Variants in MCM9 observed in about 807,000 individuals in gnomAD.
The protein encoded by MCM9 is minichromosome maintenance 9 homologous recombination repair factor, also known as DNA helicase MCM9.
Under a neutral mutation model 72.8 loss-of-function variants are expected in MCM9, and 55 were observed. The ratio of observed to expected loss-of-function variants is 0.76; its 90% confidence interval spans 0.61 to 0.95. The LOEUF is 0.95. Ranked by LOEUF, MCM9 falls within the 40% of genes least tolerant of loss-of-function variation. The probability of loss-of-function intolerance (pLI) is 0.00; values close to 1 mark genes in which losing one functional copy is unlikely to be tolerated. For synonymous variants in MCM9, 480 were observed against 503.4 expected, an observed-to-expected ratio of 0.95 and a Z score of 0.62; for missense variants, 1,279 against 1,377.0, an observed-to-expected ratio of 0.93 and a Z score of 1.13.
intron 8 of MCM9, among the ~76,000 whole-genome samples, chr6:118,886,140 T>G (rs1349823770): frequency 6.6e-6 from 1 of 150,612 alleles, no homozygotes; most frequent in African/African-American, 2.4e-5. Context: ...CCTTTCATGA[T>G]AAAAACATTC....
rs562743673 is a variant in MCM9, at chr6:118,926,082, A to C, written c.305-1955T>G. ...AGAAACCCTGTACCCAGTAGCAGTC[A>C]CTCCCCATTCTTCCATAACCCTAGC... is the stretch of plus-strand genomic sequence containing the variant. On this transcript the variant is annotated intron_variant, in intron 3 of 13. Transcript: ENST00000619706. Among the ~76,000 whole-genome samples, 81 of 152,134 alleles carry C rather than the reference A, an allele frequency of 5.3e-4. 2 individuals carry two copies. The South Asian group carries it at 0.017, about 31-fold the overall frequency.
rs1329742202 is a variant in MCM9, at chr6:118,923,907, C to T, written c.525G>A (p.Leu175=). ...TFCRPSSCPS[L]ESCDSSKFTC... is the part of the protein sequence containing the mutation. Reference sequence around the variant, plus strand: ...TGAATTTAGAGGAATCACAGCTCTCCAAGCTGGGACACGAGGATGGCCGGC... The same window carrying T: ...TGAATTTAGAGGAATCACAGCTCTCTAAGCTGGGACACGAGGATGGCCGGC... Residue 175 remains leucine, a synonymous_variant, in exon 4 of 14, where the codon TTG becomes TTA. Transcript: ENST00000619706. 5.6e-6 allele frequency: 9 copies of T among 1,614,194 alleles called. No individual in the cohort carries two copies. The highest frequency in any genetic ancestry group is 6.8e-6 in the Non-Finnish European group (8 of 1,180,032).
At chr6:118,845,138 ACTCATCTACTAAGAACAG>A (rs1363975073) in intron 9 of MCM9, among the ~76,000 whole-genome samples, 2 of 151,778 alleles carry the variant, frequency 1.3e-5, no homozygotes, top group Non-Finnish European at 2.9e-5. Flanking sequence ...AGGAAGGAGA[ACTCATCTACTAAGAACAG>A]CTGAATAAGC....
intron 8 of MCM9, among the ~76,000 whole-genome samples, chr6:118,880,025 G>A (rs1778185288): frequency 6.6e-6 from 1 of 150,476 alleles, no homozygotes; most frequent in South Asian, 2.1e-4. Context: ...GAGTGAGAGT[G>A]CACAAAACAA....
chr6:118,927,321 T>G (rs1351080709), intron 3 of MCM9, among the ~76,000 whole-genome samples: 1 of 152,204 alleles, frequency 6.6e-6, no homozygotes, highest in African/African-American at 2.4e-5. Flanking sequence ...TTTGGATTTT[T>G]GGCTGGACGT....
At chr6:118,898,218 A>T (rs1454291207) in intron 8 of MCM9, among the ~76,000 whole-genome samples, 2 of 152,170 alleles carry the variant, frequency 1.3e-5, no homozygotes, top group Admixed American at 1.3e-4. Context: ...GATCTACATG[A>T]TGAAGCTGTT....
intron 8 of MCM9, among the ~76,000 whole-genome samples, chr6:118,869,319 T>G (rs1399000482): frequency 6.6e-6 from 1 of 151,806 alleles, no homozygotes; most frequent in Non-Finnish European, 1.5e-5. Context: ...AAATGATGAG[T>G]TGATGGGTGC....
intron 8 of MCM9, among the ~76,000 whole-genome samples, chr6:118,856,827 G>A (rs553620722): frequency 6.6e-6 from 1 of 152,176 alleles, no homozygotes; most frequent in East Asian, 1.9e-4. Flanking sequence ...GCTGTAGTGA[G>A]CCATATTAGA....
chr6:118,883,300 T>C (rs1262089915), intron 8 of MCM9, among the ~76,000 whole-genome samples: 1 of 151,414 alleles, frequency 6.6e-6, no homozygotes, highest in Non-Finnish European at 1.5e-5. Flanking sequence ...AGAACAGAGG[T>C]AAAGGGCAAG....
At chr6:118,856,283 T>C (rs1776547073) in intron 9 of MCM9, 88 bp downstream of exon 9, 4 of 1,313,850 alleles carry the variant, frequency 3.0e-6, no homozygotes, top group Non-Finnish European at 4.1e-6. Flanking sequence ...GGACCAAACA[T>C]ACCTTATAGC....
intron 8 of MCM9, among the ~76,000 whole-genome samples, chr6:118,858,526 GA>G (rs1219755428): frequency 1.3e-5 from 2 of 151,878 alleles, no homozygotes; most frequent in Admixed American, 6.6e-5. Context: ...ATAAGGCAAG[GA>G]AAAGAAATAA....
chr6:118,870,091 T>C (rs567956886), intron 8 of MCM9, among the ~76,000 whole-genome samples: 1 of 152,268 alleles, frequency 6.6e-6, no homozygotes, highest in East Asian at 1.9e-4. Context: ...ACTGGACAGA[T>C]CATTTAGACA....
At chr6:118,828,974 T>C (rs1774352979) in intron 10 of MCM9, 74 bp downstream of exon 10, 1 of 1,423,766 alleles carries the variant, frequency 7.0e-7, no homozygotes, top group African/African-American at 1.4e-5. Context: ...TTATTTAATT[T>C]TCTTGAAAGG....
At chr6:118,886,317 A>G (rs991529618) in intron 8 of MCM9, among the ~76,000 whole-genome samples, 1 of 152,082 alleles carries the variant, frequency 6.6e-6, no homozygotes, top group Non-Finnish European at 1.5e-5. Flanking sequence ...ATTGTACTGC[A>G]GGTTATAGAC....
chr6:118,880,305 T>C (rs950210410), intron 8 of MCM9, among the ~76,000 whole-genome samples: 3 of 152,148 alleles, frequency 2.0e-5, no homozygotes, highest in African/African-American at 7.2e-5. Flanking sequence ...CAAGGAACTG[T>C]TGGAAACTCG....
In MCM9 at chr6:118,817,759, C is replaced by T. The variant is rs1283465910; in HGVS notation, c.1962-1465G>A. ...AACTAATTTACACTCCCACCAACAA[C>T]GTAGAAGCATTCCTATTTCTCCACA... On this transcript the variant is annotated intron_variant, in intron 13 of 13. Transcript: ENST00000619706. Among the ~76,000 whole-genome samples, 7 of 152,140 alleles carry T rather than the reference C, an allele frequency of 4.6e-5. No individual in the cohort carries two copies. In the East Asian group the frequency reaches 7.7e-4, roughly 17 times the overall value.
At chr6:118,895,882 C>T (rs573589976) in intron 8 of MCM9, among the ~76,000 whole-genome samples, 7 of 151,964 alleles carry the variant, frequency 4.6e-5, no homozygotes, top group Admixed American at 6.6e-5. Flanking sequence ...ATGTATATAT[C>T]ATATGTAAGG....
chr6:118,865,188 T>C (rs1777142519), intron 8 of MCM9, among the ~76,000 whole-genome samples: 1 of 152,064 alleles, frequency 6.6e-6, no homozygotes, highest in African/African-American at 2.4e-5. Flanking sequence ...GAACAAAGTA[T>C]ATGTGAGTCT....
chr6:118,828,163 T>G, intron 10 of MCM9, 33 bp from the exon 11 acceptor site: 1 of 1,487,158 alleles, frequency 6.7e-7, no homozygotes, highest in Non-Finnish European at 9.1e-7. Flanking sequence ...CAGTAAGTTC[T>G]TAGGACAGGC....
Sources: gnomAD v4.1 joint callset for allele counts (sites outside exome capture counted in the v4.1 genomes callset) on GRCh38, gnomAD v4.1.1 for gene constraint, MANE v1.5 for transcripts, NCBI Gene and HGNC (gene_info 2026-07-23, HGNC 2026-07-21) for gene names.